The following CA10 variants were observed in gnomAD, a reference collection of about 807,000 sequenced individuals.
The protein encoded by CA10 is carbonic anhydrase-related protein 10.
In CA10, 14 loss-of-function variants were observed where a neutral mutation model predicts 44.2. The observed-to-expected ratio is 0.32, with a 90% confidence interval of 0.21 to 0.50. The LOEUF (loss-of-function observed/expected upper bound fraction) is 0.50. Ranked by LOEUF, CA10 falls within the 20% of genes least tolerant of loss-of-function variation. The probability of loss-of-function intolerance (pLI) is 0.99; values close to 1 mark genes in which losing one functional copy is unlikely to be tolerated. For missense variants in CA10, 350 were observed against 409.7 expected (o/e 0.85, Z 1.26); for synonymous variants, 159 against 141.6 (o/e 1.12, Z -0.87).
intron 2 of CA10, among the ~76,000 whole-genome samples, chr17:52,031,383 C>T (rs1200216047): frequency 1.3e-5 from 2 of 152,106 alleles, no homozygotes; most frequent in Non-Finnish European, 2.9e-5. Flanking sequence ...CTCCTGACCT[C>T]AAGTGATCCA....
chr17:52,057,791 C>T (rs1483073440), intron 2 of CA10, among the ~76,000 whole-genome samples: 1 of 152,038 alleles, frequency 6.6e-6, no homozygotes, highest in Non-Finnish European at 1.5e-5. Context: ...TGGTGGGTTT[C>T]ATTATTATTA....
chr17:52,081,100 G>C (rs1465542914), intron 1 of CA10, among the ~76,000 whole-genome samples: 2 of 152,094 alleles, frequency 1.3e-5, no homozygotes, highest in Non-Finnish European at 2.9e-5. Flanking sequence ...TTCTCCGGGA[G>C]GGAGACAGAG....
chr17:51,929,866 C>T (rs1417492294), intron 3 of CA10, among the ~76,000 whole-genome samples: 2 of 152,076 alleles, frequency 1.3e-5, no homozygotes, highest in Non-Finnish European at 2.9e-5. Flanking sequence ...CACAAAAATG[C>T]TTCTCAAGTC....
At chr17:51,925,765 A>G (rs1177656896) in intron 3 of CA10, among the ~76,000 whole-genome samples, 3 of 152,198 alleles carry the variant, frequency 2.0e-5, no homozygotes, top group African/African-American at 7.2e-5. Flanking sequence ...TTAAAAATGA[A>G]TTAAATTTTG....
chr17:51,807,047 A>G (rs565532159), intron 3 of CA10, among the ~76,000 whole-genome samples: 1 of 152,356 alleles, frequency 6.6e-6, no homozygotes, highest in East Asian at 1.9e-4. Context: ...GGCAGATTAA[A>G]GTGCATGTCT....
At chr17:51,649,952 A>G (rs182952289) in intron 5 of CA10, among the ~76,000 whole-genome samples, 1 of 146,904 alleles carries the variant, frequency 6.8e-6, no homozygotes, top group African/African-American at 2.5e-5. Flanking sequence ...ATGTAATTCA[A>G]TCAACCAACC....
At chr17:52,121,460 T>G (rs1989013518) in intron 1 of CA10, among the ~76,000 whole-genome samples, 1 of 152,168 alleles carries the variant, frequency 6.6e-6, no homozygotes. Flanking sequence ...ATACTTAGTA[T>G]GTGCTGCAGA....
In CA10 at chr17:51,974,056, G is replaced by GA. The variant is rs550732552; in HGVS notation, c.137-42925dup. 2.7e-3 allele frequency among the ~76,000 whole-genome samples: 405 copies of GA among 152,176 alleles called. 3 individuals are homozygous for GA. The South Asian group carries it at 0.027, about 10-fold the overall frequency. On this transcript the variant is annotated intron_variant, in intron 2 of 8. Transcript: ENST00000451037. ...TAAAGAAAAACTACAAAAAAGAATA[G>GA]AAATTCTACAACTGAAAACTACAAG... is the stretch of plus-strand genomic sequence containing the variant.
At chr17:52,119,022 T>C (rs550231573) in intron 1 of CA10, among the ~76,000 whole-genome samples, 2 of 152,328 alleles carry the variant, frequency 1.3e-5, no homozygotes, top group East Asian at 3.9e-4. Context: ...TGGACTGAAC[T>C]AATAGAAAAC....
At chr17:51,708,063 G>A (rs1915816554) in intron 4 of CA10, among the ~76,000 whole-genome samples, 1 of 152,224 alleles carries the variant, frequency 6.6e-6, no homozygotes, top group Admixed American at 6.5e-5. Flanking sequence ...CATGAAAGAC[G>A]TGATCTGTCC....
intron 2 of CA10, among the ~76,000 whole-genome samples, chr17:51,969,164 C>T (rs2144065593): frequency 6.6e-6 from 1 of 152,066 alleles, no homozygotes; most frequent in African/African-American, 2.4e-5. Context: ...AGCTTCATCT[C>T]CTGCCTAGTT....
intron 4 of CA10, among the ~76,000 whole-genome samples, chr17:51,692,413 ATCT>A (rs1340437868): frequency 1.6e-5 from 2 of 125,246 alleles, no homozygotes; most frequent in African/African-American, 5.3e-5. Flanking sequence ...CTATCTATCT[ATCT>A]ATCTATCTAT....
At chr17:51,680,860 A>G (rs1914821887) in intron 4 of CA10, among the ~76,000 whole-genome samples, 1 of 152,204 alleles carries the variant, frequency 6.6e-6, no homozygotes, top group African/African-American at 2.4e-5. Context: ...ATGGAGACCA[A>G]GCAAGAGGGC....
At chr17:51,924,003 A>G (rs1982328869) in intron 3 of CA10, among the ~76,000 whole-genome samples, 1 of 152,196 alleles carries the variant, frequency 6.6e-6, no homozygotes, top group South Asian at 2.1e-4. Context: ...GCTAATATCT[A>G]TAGTATATTT....
chr17:51,741,187 G>A (rs1022588453), intron 4 of CA10, among the ~76,000 whole-genome samples: 1 of 152,168 alleles, frequency 6.6e-6, no homozygotes, highest in African/African-American at 2.4e-5. Context: ...GGCATGACTG[G>A]GTGAGCTCTA....
intron 3 of CA10, among the ~76,000 whole-genome samples, chr17:51,748,954 G>A (rs1365033656): frequency 6.6e-6 from 1 of 152,154 alleles, no homozygotes; most frequent in Non-Finnish European, 1.5e-5. Context: ...TTTGTTTCCT[G>A]CCACCTTACT....
intron 3 of CA10, among the ~76,000 whole-genome samples, chr17:51,909,796 G>A (rs185950190): frequency 6.6e-6 from 1 of 152,100 alleles, no homozygotes; most frequent in Admixed American, 6.6e-5. Flanking sequence ...GCATCTCATC[G>A]ATGTTAACTG....
At chr17:52,098,495 G>A (rs1193945638) in intron 1 of CA10, among the ~76,000 whole-genome samples, 1 of 152,152 alleles carries the variant, frequency 6.6e-6, no homozygotes, top group African/African-American at 2.4e-5. Context: ...TAACGACCCA[G>A]CCCAGTGTCA....
chr17:51,844,966 C>G (rs1405386444), intron 3 of CA10, among the ~76,000 whole-genome samples: 1 of 152,070 alleles, frequency 6.6e-6, no homozygotes, highest in Non-Finnish European at 1.5e-5. Context: ...GACTGGTGCT[C>G]TCAGACAAAG....
Sources: allele counts gnomAD v4.1 joint callset (sites outside exome capture counted in the v4.1 genomes callset), GRCh38; gene constraint gnomAD v4.1.1; transcripts MANE v1.5; gene names NCBI Gene and HGNC (gene_info 2026-07-23, HGNC 2026-07-21).